The following GBE1 variants were observed in gnomAD, a reference collection of about 807,000 sequenced individuals.
GBE1 encodes the protein 1,4-alpha-glucan-branching enzyme.
In GBE1, 70 loss-of-function variants were observed where a neutral mutation model predicts 88.8. The observed-to-expected ratio is 0.79, with a 90% CI of 0.65 to 0.96. The LOEUF (loss-of-function observed/expected upper bound fraction) is 0.96. Among genes scored for constraint, GBE1 ranks in the 40% least tolerant of loss-of-function variants. GBE1 has a pLI of 0.00. For synonymous variants in GBE1, 284 were observed against 300.1 expected (o/e 0.95, Z 0.56); for missense variants, 872 against 871.0 (o/e 1.00, Z -0.01).
rs1198052096 is a variant in GBE1, at chr3:81,499,036, T to A, written c.2052+74A>T. ...CATGTTGCTTATTTGAAGAGTTGTTTATTTGAACAAAAACATTACTATAAT... is the reference window on the plus strand; with the variant it reads ...CATGTTGCTTATTTGAAGAGTTGTTAATTTGAACAAAAACATTACTATAAT... On this transcript the variant is annotated intron_variant, in intron 15 of 15. Coordinates refer to ENST00000429644, the MANE Select transcript of GBE1 (RefSeq NM_000158.4). 4.7e-6 allele frequency: 4 copies of A among 850,386 alleles called. No individual in the cohort carries two copies. The East Asian group carries it at 8.0e-5, about 17-fold the overall frequency. The allele number at this position is 850,386 out of a possible 1,614,324, so 52.7% of individuals were successfully genotyped here.
intron 6 of GBE1, among the ~76,000 whole-genome samples, chr3:81,644,087 T>C (rs1425970552): frequency 6.6e-6 from 1 of 152,148 alleles, no homozygotes; most frequent in Non-Finnish European, 1.5e-5. Flanking sequence ...CCTTCATTCA[T>C]TCCTTTATTT....
intron 8 of GBE1, among the ~76,000 whole-genome samples, chr3:81,593,405 C>T (rs899153680): frequency 2.0e-5 from 2 of 97,826 alleles, no homozygotes; most frequent in Admixed American, 9.8e-5. Context: ...AATAATTGTT[C>T]CCATGTCATC....
At chr3:81,538,752 C>T (rs533714319) in intron 12 of GBE1, among the ~76,000 whole-genome samples, 1 of 152,092 alleles carries the variant, frequency 6.6e-6, no homozygotes, top group East Asian at 1.9e-4. Context: ...GTCCACATAC[C>T]AATCCAAGGA....
At chr3:81,548,508 A>G (rs1200707560) in intron 12 of GBE1, among the ~76,000 whole-genome samples, 2 of 151,376 alleles carry the variant, frequency 1.3e-5, no homozygotes, top group Non-Finnish European at 3.0e-5. Context: ...TAATTCTAAT[A>G]GGACTTAGTG....
chr3:81,623,010 A>G lies in GBE1; in HGVS notation c.992+19771T>C, dbSNP rs964053898. Among the ~76,000 whole-genome samples, 58 of 152,164 alleles carry G rather than the reference A, an allele frequency of 3.8e-4. 1 individual carries two copies. The highest frequency in any genetic ancestry group is 1.0e-4 in the Non-Finnish European group (7 of 68,026). Reference sequence around the variant, plus strand: ...TCTGCTCAACATCTCTCTTCCTTCTAGAACAGAAAAAATGATCTTTTCAGT... The same window carrying G: ...TCTGCTCAACATCTCTCTTCCTTCTGGAACAGAAAAAATGATCTTTTCAGT... On this transcript the variant is annotated intron_variant, in intron 7 of 15. Transcript: ENST00000429644.
intron 14 of GBE1, among the ~76,000 whole-genome samples, chr3:81,513,577 A>C (rs28582126): frequency 1.3e-5 from 2 of 151,682 alleles, no homozygotes; most frequent in East Asian, 1.9e-4. Flanking sequence ...CCAAAAAAAA[A>C]ACAAAAAACA....
intron 8 of GBE1, among the ~76,000 whole-genome samples, chr3:81,593,033 T>C (rs201630877): frequency 2.0e-5 from 3 of 151,918 alleles, no homozygotes; most frequent in African/African-American, 4.8e-5. Context: ...TTTCTTTTTT[T>C]CTGTTTATTG....
intron 15 of GBE1, 34 bp downstream of exon 15, chr3:81,499,076 A>G: frequency 9.2e-7 from 1 of 1,086,528 alleles, no homozygotes; most frequent in Non-Finnish European, 1.4e-6. Flanking sequence ...GAGTAAATTA[A>G]AATAGCAGGA....
chr3:81,647,105 T>C (rs1430409762), intron 5 of GBE1, among the ~76,000 whole-genome samples: 1 of 151,988 alleles, frequency 6.6e-6, no homozygotes, highest in Non-Finnish European at 1.5e-5. Flanking sequence ...TACAGGTGCG[T>C]GCCACCATCC....
chr3:81,714,971 C>T (rs941051643), intron 1 of GBE1, among the ~76,000 whole-genome samples: 4 of 152,084 alleles, frequency 2.6e-5, no homozygotes, highest in Non-Finnish European at 5.9e-5. Flanking sequence ...CTAATCACCT[C>T]CCACAGGTAC....
At chr3:81,750,566 T>C (rs1268207233) in intron 1 of GBE1, among the ~76,000 whole-genome samples, 1 of 68,818 alleles carries the variant, frequency 1.5e-5, no homozygotes, top group African/African-American at 8.1e-5. Context: ...TATATATGTA[T>C]ATATATATAC....
chr3:81,556,321 G>T (rs1175486349), intron 12 of GBE1, among the ~76,000 whole-genome samples: 1 of 151,258 alleles, frequency 6.6e-6, no homozygotes, highest in Non-Finnish European at 1.5e-5. Context: ...CACCTAGAGA[G>T]TAAAAAAAAA....
chr3:81,600,881 T>C (rs1704023879), intron 7 of GBE1, among the ~76,000 whole-genome samples: 1 of 151,936 alleles, frequency 6.6e-6, no homozygotes, highest in South Asian at 2.1e-4. Context: ...TAGAGGCACC[T>C]AGTTCTTCAA....
At chr3:81,680,703 G>A (rs912887498) in intron 2 of GBE1, among the ~76,000 whole-genome samples, 2 of 152,120 alleles carry the variant, frequency 1.3e-5, no homozygotes, top group Non-Finnish European at 2.9e-5. Flanking sequence ...CCCAAATGTG[G>A]TAATATTTGG....
intron 7 of GBE1, chr3:81,612,858 A>T: frequency 7.4e-6 from 3 of 406,520 alleles, no homozygotes; most frequent in Non-Finnish European, 1.4e-5. Flanking sequence ...AGGAGAGTTC[A>T]TCAAAGACAA....
At chr3:81,747,651 G>C (rs1706435187) in intron 1 of GBE1, among the ~76,000 whole-genome samples, 2 of 152,294 alleles carry the variant, frequency 1.3e-5, no homozygotes, top group South Asian at 4.1e-4. Context: ...CAAAAGAAGT[G>C]AAAAGGCCCT....
At chr3:81,654,683 CAT>C (rs1351835943) in intron 3 of GBE1, 1 of 151,988 alleles carries the variant, frequency 6.6e-6, no homozygotes, top group African/African-American at 2.4e-5. Flanking sequence ...TGAAAAAAAA[CAT>C]ATTGATCAAG....
intron 12 of GBE1, among the ~76,000 whole-genome samples, chr3:81,550,483 G>A (rs769222854): frequency 7.9e-5 from 12 of 151,620 alleles, no homozygotes; most frequent in Non-Finnish European, 1.8e-4. Context: ...ATATGTCAGA[G>A]GTGTTTGAAT....
intron 7 of GBE1, among the ~76,000 whole-genome samples, chr3:81,624,942 C>G (rs1704390980): frequency 6.6e-6 from 1 of 152,074 alleles, no homozygotes; most frequent in Admixed American, 6.6e-5. Flanking sequence ...TTTTTTCTAC[C>G]TGCTAAAATA....
Sources: allele counts gnomAD v4.1 joint callset (sites outside exome capture counted in the v4.1 genomes callset), GRCh38; gene constraint gnomAD v4.1.1; transcripts MANE v1.5; gene names NCBI Gene and HGNC (gene_info 2026-07-23, HGNC 2026-07-21).